NRG1: variants seen among roughly 807,000 people sequenced by gnomAD.
NRG1 encodes the protein pro-neuregulin-1, membrane-bound isoform.
NRG1 carries 18 observed loss-of-function variants against 63.8 expected under a neutral mutation model. That is an observed-to-expected ratio of 0.28 (90% CI 0.19 to 0.42). The LOEUF (loss-of-function observed/expected upper bound fraction) is 0.42. NRG1 is among the 10% of genes least tolerant of loss of function. The probability of loss-of-function intolerance (pLI) is 1.00; values close to 1 mark genes in which losing one functional copy is unlikely to be tolerated. For synonymous variants in NRG1, 302 were observed against 301.3 expected (o/e 1.00, Z -0.02); for missense variants, 762 against 814.7 (o/e 0.94, Z 0.79).
intron 1 of NRG1, among the ~76,000 whole-genome samples, chr8:32,419,927 C>T (rs771458928): frequency 2.4e-4 from 36 of 152,238 alleles, no homozygotes; most frequent in Non-Finnish European, 4.7e-4. Flanking sequence ...GTTTATATTG[C>T]GCGTCTTCTA....
chr8:32,087,482 C>CTTTTTTT (rs67438409), intron 1 of NRG1, among the ~76,000 whole-genome samples: 47,933 of 89,902 alleles, frequency 0.53, 15,695 homozygotes, highest in Non-Finnish European at 0.67. Context: ...TCTTTTCTTT[C>CTTTTTTT]TTTTTTTTTT....
chr8:31,663,249 C>A (rs1806186840), intron 1 of NRG1, among the ~76,000 whole-genome samples: 1 of 152,180 alleles, frequency 6.6e-6, no homozygotes, highest in African/African-American at 2.4e-5. Context: ...TTTGTATACC[C>A]AAGCACTGTT....
intron 1 of NRG1, among the ~76,000 whole-genome samples, chr8:31,856,172 T>C (rs1455397936): frequency 1.3e-5 from 2 of 152,306 alleles, no homozygotes; most frequent in Non-Finnish European, 2.9e-5. Context: ...CTTGCTAGAT[T>C]GGGGAAGTTC....
chr8:31,988,301 A>T (rs535376405), intron 1 of NRG1, among the ~76,000 whole-genome samples: 1 of 152,100 alleles, frequency 6.6e-6, no homozygotes, highest in East Asian at 1.9e-4. Flanking sequence ...ACCATAACTA[A>T]AGAGAGATGA....
intron 5 of NRG1, among the ~76,000 whole-genome samples, chr8:32,653,026 A>AC: frequency 6.6e-6 from 1 of 152,326 alleles, no homozygotes; most frequent in South Asian, 2.1e-4. Context: ...CTACTACAGC[A>AC]TAAACTACAT....
chr8:31,988,038 C>A (rs1462214445), intron 1 of NRG1, among the ~76,000 whole-genome samples: 1 of 152,128 alleles, frequency 6.6e-6, no homozygotes, highest in Non-Finnish European at 1.5e-5. Context: ...TACCACACTG[C>A]CCCAAAGGAC....
upstream of NRG1, among the ~76,000 whole-genome samples, chr8:32,547,125 A>G (rs545073992): frequency 2.6e-5 from 4 of 152,342 alleles, no homozygotes; most frequent in South Asian, 4.1e-4. Flanking sequence ...CAGCTGTGGT[A>G]TAACTCTGAG....
At chr8:32,504,565 A>G (rs149556571) in intron 1 of NRG1, among the ~76,000 whole-genome samples, 1 of 152,182 alleles carries the variant, frequency 6.6e-6, no homozygotes, top group Non-Finnish European at 1.5e-5. Flanking sequence ...ATACATATAT[A>G]CACACATAAA....
At chr8:32,108,978 A>G (rs1043517292) in intron 1 of NRG1, among the ~76,000 whole-genome samples, 8 of 152,188 alleles carry the variant, frequency 5.3e-5, no homozygotes, top group Non-Finnish European at 7.3e-5. Context: ...AATGCAGCAA[A>G]AGACAATAAC....
intron 5 of NRG1, among the ~76,000 whole-genome samples, chr8:32,656,585 A>G (rs1390505853): frequency 2.0e-5 from 3 of 152,120 alleles, no homozygotes; most frequent in Non-Finnish European, 4.4e-5. Flanking sequence ...GGCATAATAT[A>G]TGTATTTTTA....
At chr8:32,441,580 C>CTA (rs1468222289) in intron 1 of NRG1, 1 of 152,090 alleles carries the variant, frequency 6.6e-6, no homozygotes, top group Non-Finnish European at 1.5e-5. Flanking sequence ...GATCGCACCA[C>CTA]TGCACTCCAG....
chr8:31,813,788 G>C (rs1199993756), intron 1 of NRG1, among the ~76,000 whole-genome samples: 2 of 151,986 alleles, frequency 1.3e-5, no homozygotes, highest in Non-Finnish European at 2.9e-5. Context: ...TGGCCTCCCA[G>C]AGTGCGGGGA....
chr8:32,258,476 G>A (rs1849994337), intron 1 of NRG1, among the ~76,000 whole-genome samples: 1 of 152,122 alleles, frequency 6.6e-6, no homozygotes, highest in Admixed American at 6.6e-5. Context: ...TTTTCACACT[G>A]CTATAAAGAA....
intron 1 of NRG1, among the ~76,000 whole-genome samples, chr8:32,560,598 C>T (rs1836204685): frequency 2.0e-5 from 3 of 152,154 alleles, no homozygotes; most frequent in Non-Finnish European, 4.4e-5. Context: ...AGTATGAGTG[C>T]AATTCAGCAG....
chr8:32,539,371 G>A (rs914073909), intron 1 of NRG1, among the ~76,000 whole-genome samples: 1 of 152,204 alleles, frequency 6.6e-6, no homozygotes, highest in African/African-American at 2.4e-5. Context: ...GTCAAAGAAT[G>A]AGGAAGAGGA....
At chr8:31,929,781 A>T (rs1834713894) in intron 1 of NRG1, among the ~76,000 whole-genome samples, 1 of 152,132 alleles carries the variant, frequency 6.6e-6, no homozygotes, top group African/African-American at 2.4e-5. Flanking sequence ...ATTTCTAAAA[A>T]CTGTATTTCT....
chr8:31,802,041 C>T (rs2131725437), intron 1 of NRG1, among the ~76,000 whole-genome samples: 1 of 152,270 alleles, frequency 6.6e-6, no homozygotes, highest in Admixed American at 6.5e-5. Context: ...AAATTCATCA[C>T]CGGTATTAAA....
chr8:31,646,022 C>T (rs180958913), intron 1 of NRG1, among the ~76,000 whole-genome samples: 4 of 152,092 alleles, frequency 2.6e-5, no homozygotes, highest in African/African-American at 7.2e-5. Flanking sequence ...AGCCTTCTCT[C>T]GAAACCTTGA....
intron 1 of NRG1, among the ~76,000 whole-genome samples, chr8:32,117,025 C>T (rs1381016193): frequency 6.7e-6 from 1 of 150,308 alleles, no homozygotes; most frequent in African/African-American, 2.5e-5. Flanking sequence ...GCCTGTAGTC[C>T]TAGCTACTCA....
Sources: gnomAD v4.1 joint callset for allele counts (sites outside exome capture counted in the v4.1 genomes callset) on GRCh38, gnomAD v4.1.1 for gene constraint, MANE v1.5 for transcripts, NCBI Gene and HGNC (gene_info 2026-07-23, HGNC 2026-07-21) for gene names.